MSI2: variants seen among roughly 807,000 people sequenced by gnomAD.
MSI2 encodes the protein RNA-binding protein Musashi homolog 2.
MSI2 carries 17 observed loss-of-function variants against 45.6 expected under a neutral mutation model. That is an observed-to-expected ratio of 0.37 (90% CI 0.26 to 0.56). The LOEUF (loss-of-function observed/expected upper bound fraction) is 0.56, where lower values mean the gene tolerates loss of function less well. MSI2 is among the 20% of genes least tolerant of loss of function. MSI2 has a pLI of 0.77. For missense variants in MSI2, 293 were observed against 444.2 expected (o/e 0.66, Z 3.06); for synonymous variants, 156 against 158.2 (o/e 0.99, Z 0.11).
intron 6 of MSI2, among the ~76,000 whole-genome samples, chr17:57,482,635 A>G (rs753110402): frequency 5.3e-5 from 8 of 152,174 alleles, no homozygotes; most frequent in Non-Finnish European, 1.5e-5. Flanking sequence ...GGGTCTCAGC[A>G]TCTTCATCTG....
At chr17:57,493,694 A>G (rs1056376275) in intron 6 of MSI2, among the ~76,000 whole-genome samples, 2 of 151,134 alleles carry the variant, frequency 1.3e-5, no homozygotes, top group African/African-American at 2.4e-5. Context: ...GAGAAGGAGT[A>G]TTGGAGATCC....
At chr17:57,476,188 T>C (rs570044068) in intron 6 of MSI2, among the ~76,000 whole-genome samples, 1 of 152,292 alleles carries the variant, frequency 6.6e-6, no homozygotes, top group African/African-American at 2.4e-5. Flanking sequence ...CCAAGCTGAT[T>C]TACATCAGCA....
chr17:57,376,936 T>TG (rs1306331174), intron 5 of MSI2, among the ~76,000 whole-genome samples: 2 of 150,300 alleles, frequency 1.3e-5, no homozygotes, highest in African/African-American at 4.9e-5. Context: ...TTTTTTTTTT[T>TG]TTGAGACGGA....
chr17:57,289,560 C>G (rs572332389), intron 5 of MSI2, among the ~76,000 whole-genome samples: 25 of 151,956 alleles, frequency 1.6e-4, no homozygotes, highest in Non-Finnish European at 3.4e-4. Context: ...GTCTGTAAGA[C>G]GAGCCTGGAA....
At chr17:57,416,758 G>C (rs1300393846) in intron 6 of MSI2, among the ~76,000 whole-genome samples, 1 of 152,296 alleles carries the variant, frequency 6.6e-6, no homozygotes, top group South Asian at 2.1e-4. Flanking sequence ...CCTGGGGTTG[G>C]GGGGCTGGAC....
At chr17:57,615,525 T>A (rs1907603024) in intron 8 of MSI2, among the ~76,000 whole-genome samples, 1 of 152,248 alleles carries the variant, frequency 6.6e-6, no homozygotes, top group African/African-American at 2.4e-5. Context: ...TCAGATGGCC[T>A]GGCATGAAGA....
At chr17:57,549,399 A>G (rs2087252716) in intron 7 of MSI2, among the ~76,000 whole-genome samples, 1 of 144,606 alleles carries the variant, frequency 6.9e-6, no homozygotes, top group Non-Finnish European at 1.5e-5. Context: ...GTCGTGGTTG[A>G]GAGTATGGAG....
At chr17:57,259,158 T>C (rs967731858) in intron 4 of MSI2, among the ~76,000 whole-genome samples, 3 of 152,166 alleles carry the variant, frequency 2.0e-5, no homozygotes, top group African/African-American at 7.2e-5. Context: ...GTGGGCTTCC[T>C]GCCTCTCCTC....
At chr17:57,625,421 A>G (rs945063104) in intron 9 of MSI2, among the ~76,000 whole-genome samples, 1 of 152,220 alleles carries the variant, frequency 6.6e-6, no homozygotes, top group Non-Finnish European at 1.5e-5. Context: ...ATGACAAGCA[A>G]ACTCTGACTC....
chr17:57,256,413 A>G, upstream of MSI2: 1 of 167,550 alleles, frequency 6.0e-6, no homozygotes, highest in Non-Finnish European at 1.3e-5. Context: ...GACGTTCTAG[A>G]ACTCCGCCCC....
At chr17:57,300,786 G>A (rs34344389) in intron 5 of MSI2, among the ~76,000 whole-genome samples, 14,679 of 152,146 alleles carry the variant, frequency 0.096, 933 homozygotes, top group Non-Finnish European at 0.14. Flanking sequence ...AGCAAAAGGG[G>A]TTTCCCCTTA....
chr17:57,454,594 G>A (rs745371126), intron 6 of MSI2, among the ~76,000 whole-genome samples: 2 of 151,886 alleles, frequency 1.3e-5, no homozygotes, highest in Non-Finnish European at 2.9e-5. Flanking sequence ...CCGCCACCAC[G>A]CCTGGCAAAT....
At chr17:57,410,084 C>T (rs1420023496) in intron 6 of MSI2, among the ~76,000 whole-genome samples, 2 of 148,770 alleles carry the variant, frequency 1.3e-5, no homozygotes, top group South Asian at 2.1e-4. Context: ...GATTCCTCCT[C>T]GTAGGGAGAA....
At chr17:57,312,474 G>A (rs968701302) in intron 5 of MSI2, among the ~76,000 whole-genome samples, 17 of 152,176 alleles carry the variant, frequency 1.1e-4, no homozygotes, top group African/African-American at 3.9e-4. Context: ...CCCTGGGGAG[G>A]TGCCTGATGA....
At chr17:57,336,543 T>C (rs909363206) in intron 5 of MSI2, among the ~76,000 whole-genome samples, 3 of 152,226 alleles carry the variant, frequency 2.0e-5, no homozygotes, top group Non-Finnish European at 1.5e-5. Context: ...TCAGGAAATA[T>C]ATACAGGTAA....
rs150044981 is a variant in MSI2, at chr17:57,414,502, G to C, written c.405+13031G>C. On this transcript the variant is annotated intron_variant, in intron 6 of 13. Coordinates refer to ENST00000284073, the MANE Select transcript of MSI2 (RefSeq NM_138962.4). ...CCTCCTGGGTTCAAGCAACTCTCCT[G>C]CCTCAGCCTCCCAAGTAGCTGGGAT... 3.2e-3 allele frequency among the ~76,000 whole-genome samples: 483 copies of C among 152,032 alleles called. 4 individuals are homozygous for C. The highest frequency in any genetic ancestry group is 0.01 in the African/African-American group (420 of 41,446).
At chr17:57,669,036 C>A (rs1912582869) in intron 11 of MSI2, among the ~76,000 whole-genome samples, 1 of 152,230 alleles carries the variant, frequency 6.6e-6, no homozygotes, top group South Asian at 2.1e-4. Flanking sequence ...TGGGACATAG[C>A]TGGCCGGGCA....
intron 10 of MSI2, chr17:57,632,383 CTT>C (rs1179113402): frequency 1.9e-6 from 2 of 1,066,186 alleles, no homozygotes; most frequent in Admixed American, 5.3e-5. Context: ...ATCTGACTAT[CTT>C]TGTCTTTTGG....
intron 5 of MSI2, among the ~76,000 whole-genome samples, chr17:57,358,028 T>C (rs1451843412): frequency 6.6e-6 from 1 of 152,126 alleles, no homozygotes; most frequent in East Asian, 1.9e-4. Context: ...CCCCACAGCT[T>C]TGGGGGCTGC....
Sources: allele counts gnomAD v4.1 joint callset (sites outside exome capture counted in the v4.1 genomes callset), GRCh38; gene constraint gnomAD v4.1.1; transcripts MANE v1.5; gene names NCBI Gene and HGNC (gene_info 2026-07-23, HGNC 2026-07-21).